KCND2: variants seen among roughly 807,000 people sequenced by gnomAD.
KCND2 encodes the protein potassium voltage-gated channel subfamily D member 2, also known as A-type voltage-gated potassium channel KCND2.
A neutral mutation model predicts 54.4 loss-of-function variants in KCND2; 16 were observed. The observed-to-expected ratio is 0.29, with a 90% CI of 0.20 to 0.45. The LOEUF is 0.45. Among genes scored for constraint, KCND2 ranks in the 20% least tolerant of loss-of-function variants. The pLI is 1.00. For synonymous variants in KCND2, 317 were observed against 310.7 expected (o/e 1.02, Z -0.21); for missense variants, 486 against 824.2 (o/e 0.59, Z 5.02).
In KCND2 at chr7:120,654,967, G is replaced by A. The variant is rs1791783119; in HGVS notation, c.1116-77936G>A. On this transcript the variant is annotated intron_variant, in intron 1 of 5. Transcript: ENST00000331113. ...CTTATTACACACATCTGTGCTTTTT[G>A]AACATGATATTATGTGTATGTATTA... is the stretch of plus-strand genomic sequence containing the variant. Among the ~76,000 whole-genome samples the A allele has an allele frequency of 2.6e-5, 4 of 151,842 alleles. No individual in the cohort carries two copies. The South Asian group carries it at 8.3e-4, about 31-fold the overall frequency.
At chr7:120,591,826 C>G (rs190077421) in intron 1 of KCND2, among the ~76,000 whole-genome samples, 3 of 152,126 alleles carry the variant, frequency 2.0e-5, no homozygotes, top group Non-Finnish European at 4.4e-5. Flanking sequence ...GTGTGAAATA[C>G]AGTAAATCTT....
intron 1 of KCND2, among the ~76,000 whole-genome samples, chr7:120,286,198 T>G (rs567766348): frequency 6.6e-6 from 1 of 152,114 alleles, no homozygotes; most frequent in African/African-American, 2.4e-5. Context: ...TTCACAATTT[T>G]TGGATCTGTA....
At chr7:120,426,856 G>A (rs977798418) in intron 1 of KCND2, among the ~76,000 whole-genome samples, 1 of 152,036 alleles carries the variant, frequency 6.6e-6, no homozygotes, top group Non-Finnish European at 1.5e-5. Flanking sequence ...TCCTGACCTC[G>A]TGATCCGCCC....
intron 1 of KCND2, among the ~76,000 whole-genome samples, chr7:120,575,444 G>A (rs960833500): frequency 6.6e-6 from 1 of 152,080 alleles, no homozygotes; most frequent in Non-Finnish European, 1.5e-5. Flanking sequence ...GCTTTTATCC[G>A]AGCCACACTG....
At chr7:120,358,597 C>T (rs1293025116) in intron 1 of KCND2, among the ~76,000 whole-genome samples, 1 of 151,996 alleles carries the variant, frequency 6.6e-6, no homozygotes, top group East Asian at 1.9e-4. Context: ...GCTGATACTG[C>T]TAATGTACAG....
chr7:120,674,113 A>G (rs1030158818), intron 1 of KCND2, among the ~76,000 whole-genome samples: 5 of 152,060 alleles, frequency 3.3e-5, no homozygotes, highest in African/African-American at 1.2e-4. Context: ...CATGTTGTCC[A>G]GGCTGGTCTT....
At chr7:120,311,492 A>G (rs1799735443) in intron 1 of KCND2, among the ~76,000 whole-genome samples, 2 of 152,186 alleles carry the variant, frequency 1.3e-5, no homozygotes, top group Admixed American at 1.3e-4. Flanking sequence ...AGTTTGCAAA[A>G]TGCCTCCTTT....
At chr7:120,412,861 G>A (rs139749437) in intron 1 of KCND2, among the ~76,000 whole-genome samples, 93 of 152,118 alleles carry the variant, frequency 6.1e-4, no homozygotes, top group African/African-American at 1.8e-3. Flanking sequence ...TTTAGGCCAC[G>A]CTAAAGCAGC....
chr7:120,732,831 A>C, intron 1 of KCND2, 72 bp from the exon 2 acceptor site: 1 of 1,315,602 alleles, frequency 7.6e-7, no homozygotes, highest in South Asian at 1.3e-5. Flanking sequence ...TAAAGGAAAA[A>C]ATTCTTAGTT....
At chr7:120,280,929 C>A (rs1478630182) in intron 1 of KCND2, among the ~76,000 whole-genome samples, 2 of 152,108 alleles carry the variant, frequency 1.3e-5, no homozygotes, top group African/African-American at 4.8e-5. Flanking sequence ...ACTCATTCCA[C>A]ATTCCTCAAT....
intron 1 of KCND2, among the ~76,000 whole-genome samples, chr7:120,310,286 A>C (rs1188077000): frequency 2.0e-5 from 3 of 152,236 alleles, no homozygotes; most frequent in African/African-American, 7.2e-5. Context: ...AAATTATAGG[A>C]TAATATGAAC....
chr7:120,423,471 A>G (rs1366896434), intron 1 of KCND2, among the ~76,000 whole-genome samples: 1 of 152,250 alleles, frequency 6.6e-6, no homozygotes, highest in African/African-American at 2.4e-5. Flanking sequence ...ATCTTCAGCT[A>G]TCTCCCAAAG....
chr7:120,554,217 T>G (rs1235471849), intron 1 of KCND2, among the ~76,000 whole-genome samples: 1 of 152,054 alleles, frequency 6.6e-6, no homozygotes, highest in Non-Finnish European at 1.5e-5. Context: ...ATCATATCTT[T>G]TAGTGTAAAT....
At chr7:120,500,783 A>G (rs802350) in intron 1 of KCND2, among the ~76,000 whole-genome samples, 17,408 of 150,650 alleles carry the variant, frequency 0.12, 1,592 homozygotes, top group East Asian at 0.49. Context: ...TCTGGGAGTT[A>G]TGATTTAAAT....
intron 1 of KCND2, among the ~76,000 whole-genome samples, chr7:120,369,907 A>G (rs770658550): frequency 4.4e-4 from 67 of 152,032 alleles, no homozygotes; most frequent in Non-Finnish European, 8.4e-4. Flanking sequence ...GAACTTATAC[A>G]TATATCACAT....
Position 120,681,513 on chromosome 7 carries a change from A to G in KCND2, c.1116-51390A>G, listed in dbSNP as rs371550667. On this transcript the variant is annotated intron_variant, in intron 1 of 5. Transcript: ENST00000331113. ...CTGATAGAAATACTTAAAATGTGTC[A>G]GTAACAAATAAGTTCTCTCTCTCTC... is the stretch of plus-strand genomic sequence containing the variant. Among the ~76,000 whole-genome samples the G allele has an allele frequency of 2.6e-5, 4 of 152,006 alleles. 1 individual carries two copies. In the East Asian group the frequency reaches 7.7e-4, roughly 29 times the overall value.
intron 1 of KCND2, among the ~76,000 whole-genome samples, chr7:120,714,246 T>C (rs1182243083): frequency 3.3e-5 from 5 of 152,128 alleles, no homozygotes; most frequent in Admixed American, 6.6e-5. Context: ...TGTTCAATCA[T>C]TGGAAATTTT....
chr7:120,483,044 T>G (rs1317824765), intron 1 of KCND2, among the ~76,000 whole-genome samples: 1 of 152,042 alleles, frequency 6.6e-6, no homozygotes, highest in African/African-American at 2.4e-5. Flanking sequence ...TTCTAAAAGG[T>G]ATTGTTGGGA....
chr7:120,647,203 A>G (rs1240605055), intron 1 of KCND2, among the ~76,000 whole-genome samples: 1 of 152,214 alleles, frequency 6.6e-6, no homozygotes, highest in Non-Finnish European at 1.5e-5. Context: ...GTCTATGATT[A>G]TAATATGCCT....
Sources: gnomAD v4.1 joint callset for allele counts (sites outside exome capture counted in the v4.1 genomes callset) on GRCh38, gnomAD v4.1.1 for gene constraint, MANE v1.5 for transcripts, NCBI Gene and HGNC (gene_info 2026-07-23, HGNC 2026-07-21) for gene names.